Variants in LIMCH1 observed in about 807,000 individuals in gnomAD.
LIMCH1 encodes the protein LIM and calponin homology domains 1.
In LIMCH1, 113 loss-of-function variants were observed where a neutral mutation model predicts 176.5. That is an observed-to-expected ratio of 0.64 (90% CI 0.55 to 0.75). The LOEUF is 0.75. Ranked by LOEUF, LIMCH1 falls within the 30% of genes least tolerant of loss-of-function variation. LIMCH1 has a pLI of 0.00. For synonymous variants in LIMCH1, 619 were observed against 645.9 expected (o/e 0.96, Z 0.63); for missense variants, 1,674 against 1,814.9 (o/e 0.92, Z 1.41).
At chr4:41,546,860 CGAGA>C (rs1488204153) in intron 1 of LIMCH1, among the ~76,000 whole-genome samples, 1 of 151,448 alleles carries the variant, frequency 6.6e-6, no homozygotes, top group Non-Finnish European at 1.5e-5. Flanking sequence ...GAGAGACAAG[CGAGA>C]GAGAGAAAGA....
intron 2 of LIMCH1, among the ~76,000 whole-genome samples, chr4:41,517,884 A>G (rs960890493): frequency 6.6e-6 from 1 of 152,010 alleles, no homozygotes; most frequent in Non-Finnish European, 1.5e-5. Flanking sequence ...AGGAAACCAC[A>G]TAGAAAAACA....
intron 1 of LIMCH1, among the ~76,000 whole-genome samples, chr4:41,361,839 T>G (rs2052129096): frequency 6.6e-6 from 1 of 152,074 alleles, no homozygotes; most frequent in Non-Finnish European, 1.5e-5. Context: ...CCCCCTATGA[T>G]TAGTGCAAGG....
chr4:41,581,826 A>AAAAAAAAAAAAAAAAAAAC, intron 1 of LIMCH1, among the ~76,000 whole-genome samples: 1 of 151,172 alleles, frequency 6.6e-6, no homozygotes. Context: ...AAAAAAAAAA[A>AAAAAAAAAAAAAAAAAAAC]AAAACAACAG....
At chr4:41,500,923 G>C (rs1290037228) in intron 2 of LIMCH1, among the ~76,000 whole-genome samples, 1 of 152,166 alleles carries the variant, frequency 6.6e-6, no homozygotes, top group Admixed American at 6.5e-5. Flanking sequence ...AGACCAGATG[G>C]AGACAAATGA....
intron 19 of LIMCH1, 94 bp downstream of exon 19, chr4:41,661,604 G>A (rs17528897): frequency 0.52 from 470,786 of 909,870 alleles, 126,077 homozygotes; most frequent in African/African-American, 0.63. Context: ...TGAGCCACAG[G>A]AAAGTAGTAA....
chr4:41,502,368 C>T (rs1402816387), intron 2 of LIMCH1, among the ~76,000 whole-genome samples: 1 of 152,142 alleles, frequency 6.6e-6, no homozygotes, highest in African/African-American at 2.4e-5. Flanking sequence ...CTGCAATGAA[C>T]ATATGCGTGC....
chr4:41,619,473 C>A (rs1242505933), intron 6 of LIMCH1, 33 bp downstream of exon 6: 8 of 1,600,674 alleles, frequency 5.0e-6, no homozygotes, highest in Non-Finnish European at 6.8e-6. Flanking sequence ...CTCTTCCTGG[C>A]TTGGGCATGA....
chr4:41,453,480 C>G (rs553482218), intron 1 of LIMCH1: 1 of 152,298 alleles, frequency 6.6e-6, no homozygotes, highest in South Asian at 2.1e-4. Flanking sequence ...TTTAGAAAAT[C>G]ATAAGGAAGA....
intron 1 of LIMCH1, among the ~76,000 whole-genome samples, chr4:41,576,657 A>G (rs564155303): frequency 6.6e-6 from 1 of 152,298 alleles, no homozygotes; most frequent in Admixed American, 6.5e-5. Flanking sequence ...TCTGTTCTGC[A>G]GTAGTTAGGA....
chr4:41,431,868 A>C (rs889534508), intron 1 of LIMCH1, among the ~76,000 whole-genome samples: 4 of 152,368 alleles, frequency 2.6e-5, no homozygotes, highest in Admixed American at 2.0e-4. Flanking sequence ...CTATAGGAGA[A>C]GAAAACAAAA....
At chr4:41,426,017 C>CTTTTTTT (rs913325890) in intron 1 of LIMCH1, among the ~76,000 whole-genome samples, 7 of 102,882 alleles carry the variant, frequency 6.8e-5, no homozygotes, top group African/African-American at 1.9e-4. Context: ...TGAAAAGATT[C>CTTTTTTT]TTTTTTTTTT....
chr4:41,488,295 A>G (rs2070089734), intron 1 of LIMCH1, among the ~76,000 whole-genome samples: 2 of 152,220 alleles, frequency 1.3e-5, no homozygotes, highest in African/African-American at 4.8e-5. Flanking sequence ...CAAAATGTAA[A>G]TCATTCTGAC....
intron 12 of LIMCH1, 34 bp from the exon 13 acceptor site, chr4:41,633,514 G>A (rs1214155162): frequency 6.5e-7 from 1 of 1,530,168 alleles, no homozygotes; most frequent in Non-Finnish European, 8.7e-7. Flanking sequence ...AGCAGTAAGT[G>A]GCCTTTGACT....
intron 1 of LIMCH1, among the ~76,000 whole-genome samples, chr4:41,361,584 CAAGGACTGCAGGGTCGGTTCCG>C (rs1463217975): frequency 6.6e-6 from 1 of 152,240 alleles, no homozygotes; most frequent in Non-Finnish European, 1.5e-5. Context: ...CTCTCCATCC[CAAGGACTGCAGGGTCGGTTCCG>C]AAGTACGGGC....
chr4:41,546,287 C>T (rs765904692), intron 1 of LIMCH1, among the ~76,000 whole-genome samples: 5 of 151,924 alleles, frequency 3.3e-5, no homozygotes, highest in African/African-American at 9.7e-5. Flanking sequence ...TACAGGTGTG[C>T]GCCACCATGC....
At chr4:41,409,407 A>G (rs12507919) in intron 1 of LIMCH1, among the ~76,000 whole-genome samples, 86,277 of 151,908 alleles carry the variant, frequency 0.57, 27,894 homozygotes, top group East Asian at 0.82. Context: ...AGAGATGACT[A>G]TTAACACTAT....
At position 41,573,578 on chromosome 4, in the gene LIMCH1, C is replaced by T. The variant is rs2083917964; in HGVS notation, c.-240-25342C>T. 2.0e-5 allele frequency among the ~76,000 whole-genome samples: 3 copies of T among 152,290 alleles called. No individual in the cohort carries two copies. In the South Asian group the frequency reaches 6.2e-4, roughly 32 times the overall value. On this transcript the variant is annotated intron_variant, in intron 1 of 31. Coordinates refer to ENST00000503057, the MANE Select transcript of LIMCH1 (RefSeq NM_001330672.2). ...CAAATGCTATTTTGATGGCTGTATACCCTTTTCCCACATCAATGTGCAATA... is the reference window on the plus strand; with the variant it reads ...CAAATGCTATTTTGATGGCTGTATATCCTTTTCCCACATCAATGTGCAATA...
At chr4:41,478,160 G>T (rs35552786) in intron 1 of LIMCH1, among the ~76,000 whole-genome samples, 14 of 152,156 alleles carry the variant, frequency 9.2e-5, no homozygotes, top group African/African-American at 1.7e-4. Flanking sequence ...TGTAACACAA[G>T]TACAGAGAAT....
intron 1 of LIMCH1, among the ~76,000 whole-genome samples, chr4:41,589,054 G>T (rs1414905390): frequency 6.6e-6 from 1 of 152,076 alleles, no homozygotes; most frequent in African/African-American, 2.4e-5. Context: ...AAAGAGGTGG[G>T]GATGCTGAAG....
Sources: allele counts gnomAD v4.1 joint callset (sites outside exome capture counted in the v4.1 genomes callset), GRCh38; gene constraint gnomAD v4.1.1; transcripts MANE v1.5; gene names NCBI Gene and HGNC (gene_info 2026-07-23, HGNC 2026-07-21).